CREG2: variants seen among roughly 807,000 people sequenced by gnomAD.
The protein encoded by CREG2 is protein CREG2.
A neutral mutation model predicts 26.2 loss-of-function variants in CREG2; 24 were observed. The observed-to-expected ratio is 0.92, with a 90% CI of 0.66 to 1.29. CREG2 has a LOEUF of 1.29. CREG2 is among the 50% of genes most tolerant of loss of function. The pLI is 0.00. For missense variants in CREG2, 366 were observed against 398.6 expected, an observed-to-expected ratio of 0.92 and a Z score of 0.70; for synonymous variants, 174 against 169.2, an observed-to-expected ratio of 1.03 and a Z score of -0.22.
Position 101,365,852 on chromosome 2 carries a change from T to A in CREG2, c.612-10486A>T, listed in dbSNP as rs79176021. Among the ~76,000 whole-genome samples the A allele has an allele frequency of 3.9e-5, 6 of 152,258 alleles. No individual in the cohort carries two copies. In the East Asian group the frequency reaches 9.6e-4, roughly 24 times the overall value. ...CTACTTTTCAGGGTATTGTGAAAGG[T>A]CAAGGAAGCAGAAACCTCCTACATA... On this transcript the variant is annotated intron_variant, in intron 2 of 3. Coordinates refer to ENST00000324768, the MANE Select transcript of CREG2 (RefSeq NM_153836.4).
intron 2 of CREG2, among the ~76,000 whole-genome samples, chr2:101,356,824 G>T (rs11677377): frequency 0.67 from 102,071 of 151,968 alleles, 36,122 homozygotes; most frequent in Non-Finnish European, 0.77. Context: ...TGTGGTGACA[G>T]AATTATCCTA....
intron 3 of CREG2, among the ~76,000 whole-genome samples, chr2:101,352,392 G>C (rs971980268): frequency 2.6e-5 from 4 of 152,186 alleles, no homozygotes; most frequent in African/African-American, 7.2e-5. Flanking sequence ...CTGGAACAAA[G>C]TTTGATACCT....
chr2:101,358,233 C>T (rs1013662499), intron 2 of CREG2, among the ~76,000 whole-genome samples: 15 of 152,084 alleles, frequency 9.9e-5, no homozygotes, highest in Non-Finnish European at 1.8e-4. Context: ...TTCAAGTGAT[C>T]CACCTGCCTT....
At chr2:101,386,335 AC>A (rs1684966247) in intron 1 of CREG2, among the ~76,000 whole-genome samples, 1 of 151,150 alleles carries the variant, frequency 6.6e-6, no homozygotes, top group Non-Finnish European at 1.5e-5. Flanking sequence ...CTCTCTTAAA[AC>A]CCCCAAAAGC....
chr2:101,364,570 G>C (rs1684593008), intron 2 of CREG2, among the ~76,000 whole-genome samples: 1 of 152,214 alleles, frequency 6.6e-6, no homozygotes, highest in South Asian at 2.1e-4. Context: ...GCAACTGAGA[G>C]AGAATGAAGG....
rs758128581 is a variant in CREG2 at position 101,346,479 on chromosome 2, C to T, written c.*4444G>A. On this transcript the variant is annotated 3_prime_UTR_variant, in exon 4 of 4. Transcript: ENST00000324768. ...GAAGATGTCCTCTCCTCCTAAGTGACCCACTTAAAATCTATACAGCAGATT... is the reference window on the plus strand; with the variant it reads ...GAAGATGTCCTCTCCTCCTAAGTGATCCACTTAAAATCTATACAGCAGATT... 1 of 152,130 alleles carries T rather than the reference C, an allele frequency of 6.6e-6. No homozygotes were observed. The highest frequency in any genetic ancestry group is 2.4e-5 in the African/African-American group (1 of 41,426). 9.4% of individuals were successfully genotyped at this position (152,130 alleles called of 1,614,324 possible). A position where few individuals can be genotyped will look rare whatever the true frequency, so the allele number is the denominator to read the frequency against.
rs1228803591 is a variant in CREG2 at position 101,387,285 on chromosome 2, G to A, written c.173C>T (p.Ala58Val). The stretch of plus-strand genomic sequence containing the variant: ...CGAATCCTCTAGCAGCGCGGGCATA[G>A]CCTCCTCAGTGGAGGCGCTGTCCAG... ...EELDSASTEEAMPALLEDSGS... is the reference protein window; with the variant it reads ...EELDSASTEEVMPALLEDSGS... The change falls in exon 1 of 4, where the codon GCT becomes GTT. Residue 58 changes from alanine to valine, a missense_variant. Around this residue, in one of 3 missense-constraint regions of CREG2, gnomAD observed 177 missense variants for 183.3 expected, o/e 0.97. Coordinates refer to ENST00000324768, the MANE Select transcript of CREG2 (RefSeq NM_153836.4). The surrounding 1 kb of genome is among the most constrained non-coding windows in gnomAD (Gnocchi z 4.7). The A allele has an allele frequency of 1.3e-6, 2 of 1,484,388 alleles. No homozygotes were observed. The highest frequency in any genetic ancestry group is 1.8e-6 in the Non-Finnish European group (2 of 1,110,150). 92.0% of individuals were successfully genotyped at this position (1,484,388 alleles called of 1,614,324 possible).
intron 2 of CREG2, among the ~76,000 whole-genome samples, chr2:101,367,199 A>T (rs917519095): frequency 3.3e-5 from 5 of 152,120 alleles, no homozygotes; most frequent in Non-Finnish European, 7.3e-5. Flanking sequence ...CACACAACAG[A>T]TGGCACCAGA....
intron 2 of CREG2, among the ~76,000 whole-genome samples, chr2:101,364,933 G>C (rs571809603): frequency 6.6e-6 from 1 of 152,230 alleles, no homozygotes; most frequent in African/African-American, 2.4e-5. Context: ...GGGGCAAAGG[G>C]TTGGCAGCTC....
At chr2:101,359,059 A>G (rs1558814974) in intron 2 of CREG2, among the ~76,000 whole-genome samples, 13 of 16,028 alleles carry the variant, frequency 8.1e-4, no homozygotes, top group East Asian at 0.018. Context: ...AAAAAAAAAA[A>G]AAAAAAAAAA....
chr2:101,383,743 G>A (rs1684920186), intron 1 of CREG2, 41 bp from the exon 2 acceptor site: 1 of 1,534,386 alleles, frequency 6.5e-7, no homozygotes. Context: ...GCAGAGCTGT[G>A]GCTCGACTTG....
At position 101,346,787 on chromosome 2, in the gene CREG2, G is replaced by C. The variant is rs531949980; in HGVS notation, c.*4136C>G. The C allele has an allele frequency of 2.0e-4, 31 of 152,290 alleles. No homozygotes were observed. Among genetic ancestry groups the C allele is most frequent in the African/African-American group, 7.5e-4 (31 of 41,564 alleles). The allele number at this position is 152,290 out of a possible 1,614,324, so 9.4% of individuals were successfully genotyped here. On this transcript the variant is annotated 3_prime_UTR_variant, in exon 4 of 4. Coordinates refer to ENST00000324768, the MANE Select transcript of CREG2 (RefSeq NM_153836.4). ...TCTGAGATAGTTGTAGATAACTGTA[G>C]ATTCACATGCAGTTGTAAGAAATAA...
At chr2:101,383,728 T>C in intron 1 of CREG2, 26 bp from the exon 2 acceptor site, 1 of 1,572,200 alleles carries the variant, frequency 6.4e-7, no homozygotes, top group Non-Finnish European at 8.6e-7. Flanking sequence ...AAAGGCTTTT[T>C]CAGTGCAGAG....
intron 3 of CREG2, among the ~76,000 whole-genome samples, chr2:101,354,458 T>A (rs913076760): frequency 4.6e-5 from 7 of 152,088 alleles, no homozygotes; most frequent in Non-Finnish European, 1.0e-4. Context: ...GCGTGCAGGA[T>A]CTTCTTCCCA....
Position 101,355,269 on chromosome 2 carries a change from G to A in CREG2, c.709C>T (p.Gln237Ter), listed in dbSNP as rs200465701. 3.1e-6 allele frequency: 5 copies of A among 1,602,590 alleles called. No individual in the cohort carries two copies. The African/African-American group carries it at 6.7e-5, about 21-fold the overall frequency. Residue 237 changes from glutamine to a stop codon, truncating the protein, a stop_gained, in exon 3 of 4, where the codon CAA becomes TAA. Coordinates refer to ENST00000324768, the MANE Select transcript of CREG2 (RefSeq NM_153836.4). LOFTEE classifies it high-confidence loss of function. ...VSPEEVEFAKQAMFSRHPGMR... is the reference protein window; with the variant it reads ...VSPEEVEFAK Reference sequence around the variant, plus strand: ...TTTACACACCTTGAAAACATGGCTTGCTTGGCAAATTCTACTTCTTCTGGA... The same window carrying A: ...TTTACACACCTTGAAAACATGGCTTACTTGGCAAATTCTACTTCTTCTGGA...
rs912283159 is a variant in CREG2, at chr2:101,347,989, A to G, written c.*2934T>C. On this transcript the variant is annotated 3_prime_UTR_variant, in exon 4 of 4. Coordinates refer to ENST00000324768, the MANE Select transcript of CREG2 (RefSeq NM_153836.4). ...ATCTGAGTTAATTTTTGCATAAGGT[A>G]TGAAGTTTAGTCCAAGGTTCATTTT... 5.3e-5 allele frequency: 8 copies of G among 152,196 alleles called. No homozygotes were observed. In the South Asian group the frequency reaches 1.7e-3, roughly 31 times the overall value. The allele number at this position is 152,196 out of a possible 1,614,324, so 9.4% of individuals were successfully genotyped here.
chr2:101,383,693 G>C lies in CREG2; in HGVS notation c.451C>G (p.Leu151Val). The change falls in exon 2 of 4, where the codon CTG becomes GTG. Residue 151 changes from leucine to valine, a missense_variant. By Grantham distance (32) the Leu-to-Val change is conservative. Around this residue, in one of 3 missense-constraint regions of CREG2, gnomAD observed 174 missense variants for 178.2 expected, o/e 0.98. Transcript: ENST00000324768. ...TVSTHKKIQG[L>V]PFGNCLPVSD... is the part of the protein sequence containing the mutation. The stretch of plus-strand genomic sequence containing the variant: ...ACGGGCAGGCAGTTCCCAAATGGCA[G>C]TCCTTGGATCTAACAAACACCAAAA... 6.2e-7 allele frequency: 1 copy of C among 1,606,626 alleles called. No individual in the cohort carries two copies. The highest frequency in any genetic ancestry group is 8.5e-7 in the Non-Finnish European group (1 of 1,175,936).
At chr2:101,358,564 A>C (rs1244994702) in intron 2 of CREG2, among the ~76,000 whole-genome samples, 1 of 152,218 alleles carries the variant, frequency 6.6e-6, no homozygotes, top group South Asian at 2.1e-4. Flanking sequence ...CAAATAAATT[A>C]AGTTTTATCA....
At chr2:101,382,382 C>T (rs113343450) in intron 2 of CREG2, 9 of 570,970 alleles carry the variant, frequency 1.6e-5, no homozygotes, top group East Asian at 1.5e-4. Flanking sequence ...ACCGAGATTG[C>T]GCCACTGCAC....
Sources: gnomAD v4.1 joint callset for allele counts (sites outside exome capture counted in the v4.1 genomes callset) on GRCh38, gnomAD v4.1.1 for gene constraint, gnomAD v4.1.1 regional missense constraint, Gnocchi (gnomAD v3.1) non-coding constraint, MANE v1.5 for transcripts, NCBI Gene and HGNC (gene_info 2026-07-23, HGNC 2026-07-21) for gene names.